The following SLCO1C1 variants were observed in gnomAD, a reference collection of about 807,000 sequenced individuals.
SLCO1C1 encodes the protein solute carrier organic anion transporter family member 1C1.
A neutral mutation model predicts 76.4 loss-of-function variants in SLCO1C1; 70 were observed. The observed-to-expected ratio is 0.92, with a 90% CI of 0.76 to 1.12. The LOEUF is 1.12. Ranked by LOEUF, SLCO1C1 falls within the 50% of genes most tolerant of loss-of-function variation. The pLI is 0.00. For synonymous variants in SLCO1C1, 306 were observed against 286.1 expected (o/e 1.07, Z -0.70); for missense variants, 912 against 823.8 (o/e 1.11, Z -1.31).
intron 4 of SLCO1C1, among the ~76,000 whole-genome samples, chr12:20,707,710 G>A (rs1003399025): frequency 6.6e-6 from 1 of 152,122 alleles, no homozygotes; most frequent in African/African-American, 2.4e-5. Flanking sequence ...AGCTAATTAA[G>A]CCACCTGGTT....
intron 11 of SLCO1C1, among the ~76,000 whole-genome samples, chr12:20,739,822 G>T (rs1322182715): frequency 2.0e-5 from 3 of 152,162 alleles, no homozygotes; most frequent in African/African-American, 7.2e-5. Flanking sequence ...ATACTAGCTA[G>T]ATAAGATTGG....
intron 10 of SLCO1C1, among the ~76,000 whole-genome samples, chr12:20,734,089 T>G (rs1948428467): frequency 6.6e-6 from 1 of 152,238 alleles, no homozygotes; most frequent in Non-Finnish European, 1.5e-5. Flanking sequence ...TTCTGTTTCC[T>G]GCCTATTCTG....
At chr12:20,707,482 A>T (rs1946837884) in intron 4 of SLCO1C1, among the ~76,000 whole-genome samples, 1 of 152,004 alleles carries the variant, frequency 6.6e-6, no homozygotes, top group Non-Finnish European at 1.5e-5. Context: ...GACTTAAATC[A>T]CTCTGCAGTG....
At chr12:20,740,161 G>C in intron 11 of SLCO1C1, 23 bp from the exon 12 acceptor site, 2 of 1,580,258 alleles carry the variant, frequency 1.3e-6, no homozygotes, top group Non-Finnish European at 1.7e-6. Context: ...GAAATAATTG[G>C]ACTTTTCCCT....
chr12:20,749,645 GA>G (rs1408025788), intron 13 of SLCO1C1, among the ~76,000 whole-genome samples: 1 of 152,174 alleles, frequency 6.6e-6, no homozygotes, highest in Non-Finnish European at 1.5e-5. Context: ...ATTTGCACAT[GA>G]GAGACACATT....
At chr12:20,734,121 C>A (rs1948430234) in intron 10 of SLCO1C1, among the ~76,000 whole-genome samples, 1 of 152,170 alleles carries the variant, frequency 6.6e-6, no homozygotes. Context: ...TTACAGCCTG[C>A]TGTCCATCTC....
intron 6 of SLCO1C1, among the ~76,000 whole-genome samples, chr12:20,715,514 C>G (rs1947322998): frequency 6.6e-6 from 1 of 152,200 alleles, no homozygotes. Context: ...AAGAAAATAA[C>G]TGCGAGCTTA....
At chr12:20,745,007 C>T (rs1369227155) in intron 13 of SLCO1C1, among the ~76,000 whole-genome samples, 3 of 152,020 alleles carry the variant, frequency 2.0e-5, no homozygotes, top group East Asian at 3.9e-4. Context: ...AAATGGAGAA[C>T]AATTTTTATT....
At chr12:20,737,375 C>T (rs947563835) in intron 11 of SLCO1C1, 103 bp downstream of exon 11, 4 of 1,192,790 alleles carry the variant, frequency 3.4e-6, no homozygotes, top group Non-Finnish European at 4.5e-6. Context: ...GGAGGCTTGC[C>T]TCTTACCTCT....
chr12:20,711,200 T>C lies in SLCO1C1; in HGVS notation c.405-186T>C, dbSNP rs74065177. Among the ~76,000 whole-genome samples the C allele has an allele frequency of 8.1e-3, 1,229 of 152,328 alleles. 12 individuals are homozygous for C. The highest frequency in any genetic ancestry group is 0.028 in the African/African-American group (1,165 of 41,566). On this transcript the variant is annotated intron_variant, in intron 4 of 14. Transcript: ENST00000266509. ...TAGGACAAGCTTTGTGTAGAGTCTA[T>C]GAGCCAGATCTTCTGGCTACCTCTT... is the stretch of plus-strand genomic sequence containing the variant.
intron 13 of SLCO1C1, 111 bp from the exon 14 acceptor site, chr12:20,750,564 C>T: frequency 3.2e-6 from 3 of 923,540 alleles, no homozygotes; most frequent in Non-Finnish European, 5.1e-6. Flanking sequence ...TAATTGATGG[C>T]CTTTCATCTC....
intron 1 of SLCO1C1, chr12:20,696,765 A>C (rs759763228): frequency 1.3e-5 from 2 of 152,112 alleles, no homozygotes; most frequent in African/African-American, 2.4e-5. Flanking sequence ...ATGAAGAGAG[A>C]GAGCCTGCAG....
In SLCO1C1 at chr12:20,750,888, C is replaced by T. The variant is rs748467125; in HGVS notation, c.1916+96C>T. 1.2e-5 allele frequency: 19 copies of T among 1,611,538 alleles called. No individual in the cohort carries two copies. In the South Asian group the frequency reaches 1.3e-4, roughly 11 times the overall value. ...AACAAGTTTTCATGTCATTTCACTG[C>T]TTGTAAGGTAAAGAATAGTCTAATC... On this transcript the variant is annotated intron_variant, in intron 14 of 14. Coordinates refer to ENST00000266509, the MANE Select transcript of SLCO1C1 (RefSeq NM_017435.5).
At chr12:20,719,789 A>T (rs1156488416) in intron 7 of SLCO1C1, among the ~76,000 whole-genome samples, 1 of 152,254 alleles carries the variant, frequency 6.6e-6, no homozygotes, top group Non-Finnish European at 1.5e-5. Context: ...ATAACACAAA[A>T]GTGCAAGGTG....
Position 20,719,492 on chromosome 12 carries a change from C to G in SLCO1C1, c.775+2262C>G, listed in dbSNP as rs955671442. ...AAAAATCTAGGCCTCTTGCACCAAACAGTTACCCAAGTTGTGAATGTAAAT... is the reference window on the plus strand; with the variant it reads ...AAAAATCTAGGCCTCTTGCACCAAAGAGTTACCCAAGTTGTGAATGTAAAT... On this transcript the variant is annotated intron_variant, in intron 7 of 14. Transcript: ENST00000266509. Among the ~76,000 whole-genome samples the G allele has an allele frequency of 2.6e-4, 40 of 152,136 alleles. 1 individual carries two copies. Among genetic ancestry groups the G allele is most frequent in the Non-Finnish European group, 1.8e-4 (12 of 68,032 alleles).
intron 12 of SLCO1C1, 37 bp from the exon 13 acceptor site, chr12:20,743,268 T>C (rs1240876383): frequency 1.9e-6 from 3 of 1,580,172 alleles, no homozygotes; most frequent in South Asian, 1.1e-5. Flanking sequence ...TTTAATGGAT[T>C]ATATATTTCT....
intron 3 of SLCO1C1, among the ~76,000 whole-genome samples, 192 bp downstream of exon 3, chr12:20,701,651 A>G (rs1449693919): frequency 6.7e-6 from 1 of 149,960 alleles, no homozygotes; most frequent in African/African-American, 2.5e-5. Context: ...ATCAACAGTA[A>G]ATTTTTCTCC....
rs1256670198 is a variant in SLCO1C1, at chr12:20,717,293, C to T, written c.775+63C>T. ...GTCACTGTAACATTTTTAATGGGAA[C>T]AGTGTGGAAATTATCAAATTGCCTT... On this transcript the variant is annotated intron_variant, in intron 7 of 14. Transcript: ENST00000266509. 2.3e-6 allele frequency: 3 copies of T among 1,318,836 alleles called. No homozygotes were observed. In the African/African-American group the frequency reaches 4.6e-5, roughly 20 times the overall value. The allele number at this position is 1,318,836 out of a possible 1,614,324, so 81.7% of individuals were successfully genotyped here. A position where few individuals can be genotyped will look rare whatever the true frequency, so the allele number is the denominator to read the frequency against.
At chr12:20,708,170 C>A (rs780164971) in intron 4 of SLCO1C1, among the ~76,000 whole-genome samples, 28 of 152,162 alleles carry the variant, frequency 1.8e-4, no homozygotes, top group Admixed American at 3.3e-4. Flanking sequence ...TATGCTCTGT[C>A]TCCTTTGCAG....
Sources: gnomAD v4.1 joint callset for allele counts (sites outside exome capture counted in the v4.1 genomes callset) on GRCh38, gnomAD v4.1.1 for gene constraint, MANE v1.5 for transcripts, NCBI Gene and HGNC (gene_info 2026-07-23, HGNC 2026-07-21) for gene names.